PNPLA3: variants seen among roughly 807,000 people sequenced by gnomAD.
The protein encoded by PNPLA3 is patatin like domain 3, 1-acylglycerol-3-phosphate O-acyltransferase.
PNPLA3 carries 42 observed loss-of-function variants against 43.1 expected under a neutral mutation model. The observed-to-expected ratio is 0.97, with a 90% CI of 0.76 to 1.26. PNPLA3 has a LOEUF of 1.26. Ranked by LOEUF, PNPLA3 falls within the 50% of genes most tolerant of loss-of-function variation. The pLI, the probability that PNPLA3 is intolerant of heterozygous loss-of-function variation, is 0.00. For missense variants in PNPLA3, 647 were observed against 621.4 expected, an observed-to-expected ratio of 1.04 and a Z score of -0.44; for synonymous variants, 272 against 253.6, an observed-to-expected ratio of 1.07 and a Z score of -0.69.
intron 3 of PNPLA3, among the ~76,000 whole-genome samples, chr22:43,930,626 C>T (rs1162205709): frequency 6.6e-6 from 1 of 152,162 alleles, no homozygotes. Context: ...CTACTCTGTC[C>T]TTTTCAGCCC....
chr22:43,946,967 T>C lies in PNPLA3; in HGVS notation c.*585T>C. The C allele has an allele frequency of 6.6e-6, 2 of 302,958 alleles. No individual in the cohort carries two copies. The highest frequency in any genetic ancestry group is 1.3e-5 in the Non-Finnish European group (2 of 155,564). 18.8% of individuals were successfully genotyped at this position (302,958 alleles called of 1,614,324 possible). On this transcript the variant is annotated 3_prime_UTR_variant, in exon 9 of 9. Transcript: ENST00000216180. ...CACCTTTTTCACCTAACTAAAATAATGTTTAAAGAGTTTTGTATAAAAATG... is the reference window on the plus strand; with the variant it reads ...CACCTTTTTCACCTAACTAAAATAACGTTTAAAGAGTTTTGTATAAAAATG...
At chr22:43,926,651 A>G (rs913458785) in intron 1 of PNPLA3, among the ~76,000 whole-genome samples, 6 of 152,258 alleles carry the variant, frequency 3.9e-5, no homozygotes, top group Non-Finnish European at 4.4e-5. Flanking sequence ...AATTTCATTG[A>G]GCCCAATATA....
chr22:43,929,914 T>C (rs138490951), intron 3 of PNPLA3, among the ~76,000 whole-genome samples: 48 of 152,322 alleles, frequency 3.2e-4, no homozygotes, highest in Middle Eastern at 3.4e-3. Context: ...ACATGTGTTG[T>C]AAACAACAAC....
chr22:43,924,021 T>A lies in PNPLA3; in HGVS notation c.110T>A (p.Leu37His), dbSNP rs1205499736. The A allele has an allele frequency of 7.6e-6, 12 of 1,582,662 alleles. No individual in the cohort carries two copies. The highest frequency in any genetic ancestry group is 7.7e-6 in the Non-Finnish European group (9 of 1,173,306). Reference protein sequence around the residue: ...RCLSEHAPHLLRDARMLFGAS... With the variant: ...RCLSEHAPHLHRDARMLFGAS... Reference sequence around the variant, plus strand: ...CTGAGCGAGCACGCCCCGCACCTCCTCCGCGACGCGCGCATGTTGTTCGGC... The same window carrying A: ...CTGAGCGAGCACGCCCCGCACCTCCACCGCGACGCGCGCATGTTGTTCGGC... Residue 37 changes from leucine (L) to histidine (H), a missense_variant, in exon 1 of 9, where the codon CTC (leucine) becomes CAC (histidine). By Grantham distance (99) the Leu-to-His change is moderately conservative. Transcript: ENST00000216180.
intron 6 of PNPLA3, chr22:43,939,305 G>A (rs924265829): frequency 1.2e-6 from 1 of 826,678 alleles, no homozygotes. Flanking sequence ...TTTGCCTCAT[G>A]ACTTACACAC....
At chr22:43,935,844 G>A (rs2049992162) in intron 5 of PNPLA3, among the ~76,000 whole-genome samples, 1 of 152,150 alleles carries the variant, frequency 6.6e-6, no homozygotes, top group African/African-American at 2.4e-5. Flanking sequence ...GCTGCAGTAG[G>A]AGTGAGGGGA....
Position 43,946,368 on chromosome 22 carries a change from G to A in PNPLA3, c.1432G>A (p.Glu478Lys), listed in dbSNP as rs927963508. 2.5e-6 allele frequency: 4 copies of A among 1,613,954 alleles called. No homozygotes were observed. The highest frequency in any genetic ancestry group is 3.4e-6 in the Non-Finnish European group (4 of 1,179,956). ...GLSTFPSFSL[E>K]KSL ...CTCCACCTTTCCCAGTTTTTCACTA[G>A]AGAAGAGTCTGTGAGTCACTTGAGG... The change falls in exon 9 of 9, where the codon GAG becomes AAG. Residue 478 changes from glutamate to lysine, a missense_variant. Physicochemically the swap from Glu to Lys is moderately conservative, Grantham distance 56. Transcript: ENST00000216180.
intron 6 of PNPLA3, among the ~76,000 whole-genome samples, chr22:43,939,051 G>A (rs974143071): frequency 1.3e-5 from 2 of 152,142 alleles, no homozygotes; most frequent in Non-Finnish European, 2.9e-5. Context: ...TCAGCCTCCT[G>A]AGTTGCTGGG....
chr22:43,927,491 A>AG (rs2049932041), intron 2 of PNPLA3, among the ~76,000 whole-genome samples: 1 of 8,596 alleles, frequency 1.2e-4, no homozygotes, highest in African/African-American at 4.2e-4. Context: ...TGCTGTCTGG[A>AG]AAAAAAAAAA....
chr22:43,944,274 A>T (rs927817030), intron 7 of PNPLA3, among the ~76,000 whole-genome samples: 5 of 151,778 alleles, frequency 3.3e-5, no homozygotes, highest in African/African-American at 1.2e-4. Flanking sequence ...TGTCTGGGGG[A>T]TGGAGAGTCT....
Position 43,927,158 on chromosome 22 carries a change from A to G in PNPLA3, c.411A>G (p.Glu137=). The change falls in exon 2 of 9, where the codon GAA becomes GAG. Residue 137 remains glutamate, a synonymous_variant. Coordinates refer to ENST00000216180, the MANE Select transcript of PNPLA3 (RefSeq NM_025225.3). ...TGTCTGACTTTCGGTCCAAAGACGAAGTCGTGGATGTAAGCAGTTTGCTTA... is the reference window on the plus strand; with the variant it reads ...TGTCTGACTTTCGGTCCAAAGACGAGGTCGTGGATGTAAGCAGTTTGCTTA... The part of the protein sequence containing the change: ...VLVSDFRSKD[E]VVDALVCSCF... 6.2e-7 allele frequency: 1 copy of G among 1,614,028 alleles called. No homozygotes were observed. The highest frequency in any genetic ancestry group is 8.5e-7 in the Non-Finnish European group (1 of 1,179,862).
intron 3 of PNPLA3, among the ~76,000 whole-genome samples, chr22:43,931,324 T>C (rs1026008122): frequency 1.3e-5 from 2 of 152,134 alleles, no homozygotes; most frequent in South Asian, 2.1e-4. Flanking sequence ...GCTAATCAAT[T>C]GCACCACTGG....
chr22:43,930,008 G>A (rs563238615), intron 3 of PNPLA3, among the ~76,000 whole-genome samples: 1 of 152,306 alleles, frequency 6.6e-6, no homozygotes, highest in South Asian at 2.1e-4. Flanking sequence ...AGTTTAGGCT[G>A]TAAAATACTA....
intron 2 of PNPLA3, 24 bp downstream of exon 2, chr22:43,927,191 G>A (rs1480850414): frequency 1.0e-5 from 16 of 1,604,786 alleles, no homozygotes; most frequent in East Asian, 2.2e-5. Context: ...TTATCTGGAC[G>A]TTGTCAAGTT....
At chr22:43,941,309 T>TTTCCTCTGATTGGGC (rs796135757) in intron 7 of PNPLA3, among the ~76,000 whole-genome samples, 6 of 135,210 alleles carry the variant, frequency 4.4e-5, no homozygotes, top group African/African-American at 1.1e-4. Flanking sequence ...TCTGATTGGG[T>TTTCCTCTGATTGGGC]TTCCTCTGAT....
intron 6 of PNPLA3, among the ~76,000 whole-genome samples, chr22:43,938,288 TTC>T (rs1295481679): frequency 2.0e-5 from 3 of 152,208 alleles, no homozygotes; most frequent in Non-Finnish European, 4.4e-5. Context: ...TAACTCCTTA[TTC>T]TTGAGGTGCC....
intron 7 of PNPLA3, among the ~76,000 whole-genome samples, chr22:43,940,989 AT>A (rs1224615186): frequency 2.0e-5 from 3 of 151,764 alleles, no homozygotes; most frequent in Non-Finnish European, 4.4e-5. Context: ...AAATACAAAA[AT>A]TAGCTGGGCA....
intron 5 of PNPLA3, 30 bp downstream of exon 5, chr22:43,934,696 C>T (rs1163364144): frequency 6.3e-7 from 1 of 1,582,786 alleles, no homozygotes; most frequent in Admixed American, 1.7e-5. Flanking sequence ...ATCAGCCATG[C>T]CCTTTTGACA....
intron 6 of PNPLA3, among the ~76,000 whole-genome samples, chr22:43,937,849 G>A (rs369663262): frequency 2.7e-4 from 41 of 152,302 alleles, no homozygotes; most frequent in African/African-American, 8.7e-4. Flanking sequence ...TGGAGACAGT[G>A]CTATGGTCCA....
Sources: gnomAD v4.1 joint callset for allele counts (sites outside exome capture counted in the v4.1 genomes callset) on GRCh38, gnomAD v4.1.1 for gene constraint, MANE v1.5 for transcripts, NCBI Gene and HGNC (gene_info 2026-07-23, HGNC 2026-07-21) for gene names.